TAF4: variants seen among roughly 807,000 people sequenced by gnomAD.
TAF4 encodes the protein transcription initiation factor TFIID subunit 4.
In TAF4, 9 loss-of-function variants were observed where a neutral mutation model predicts 90.3. The observed-to-expected ratio is 0.10, with a 90% CI of 0.06 to 0.17. The LOEUF (loss-of-function observed/expected upper bound fraction) is 0.17. Among genes scored for constraint, TAF4 ranks in the 10% least tolerant of loss-of-function variants. The pLI, the probability that TAF4 is intolerant of heterozygous loss-of-function variation, is 1.00. For missense variants in TAF4, 1,351 were observed against 1,370.7 expected (o/e 0.99, Z 0.23); for synonymous variants, 818 against 638.9 (o/e 1.28, Z -4.23).
chr20:62,017,371 G>A (rs1434029541), intron 1 of TAF4, among the ~76,000 whole-genome samples: 1 of 152,018 alleles, frequency 6.6e-6, no homozygotes, highest in Non-Finnish European at 1.5e-5. Flanking sequence ...AGGCACGGTG[G>A]CTCACGCCTG....
chr20:62,007,484 T>G, intron 6 of TAF4, 63 bp downstream of exon 6: 1 of 1,497,846 alleles, frequency 6.7e-7, no homozygotes, highest in Non-Finnish European at 9.3e-7. Context: ...GCACACTTGG[T>G]GCATCTGCGC....
intron 1 of TAF4, among the ~76,000 whole-genome samples, chr20:62,044,112 T>C (rs764073426): frequency 2.0e-5 from 3 of 152,238 alleles, no homozygotes; most frequent in Non-Finnish European, 4.4e-5. Flanking sequence ...CAGAGAAAAA[T>C]ATATGTATTT....
Position 62,014,630 on chromosome 20 carries a change from C to T in TAF4, c.1438G>A (p.Ala480Thr), listed in dbSNP as rs771007091. Reference protein sequence around the residue: ...QQALAQMQAQAHAQPQTTMAP... With the variant: ...QQALAQMQAQTHAQPQTTMAP... ...ATGGTGGTCTGAGGCTGGGCATGGG[C>T]CTGCGCCTGCATCTGGGCCAAGGCC... Residue 480 changes from alanine (A) to threonine (T), a missense_variant, in exon 2 of 15, where the codon GCC (alanine) becomes ACC (threonine). By Grantham distance (58) the Ala-to-Thr change is moderately conservative. This residue lies in a region of TAF4 where 143 missense variants were observed against 176.3 expected (regional missense o/e 0.81). Transcript: ENST00000252996. The T allele has an allele frequency of 6.2e-7, 1 of 1,613,898 alleles. No individual in the cohort carries two copies. The highest frequency in any genetic ancestry group is 1.3e-5 in the African/African-American group (1 of 74,928).
At chr20:62,049,402 G>A (rs1000905256) in intron 1 of TAF4, among the ~76,000 whole-genome samples, 5 of 152,016 alleles carry the variant, frequency 3.3e-5, no homozygotes, top group African/African-American at 7.3e-5. Flanking sequence ...CCACTTCTGC[G>A]TCCCCTGCTC....
intron 1 of TAF4, among the ~76,000 whole-genome samples, chr20:62,063,998 C>A (rs966690097): frequency 6.6e-6 from 1 of 152,232 alleles, no homozygotes; most frequent in Non-Finnish European, 1.5e-5. Flanking sequence ...ACAGGCCACA[C>A]GCCTAACTGC....
intron 1 of TAF4, among the ~76,000 whole-genome samples, chr20:62,027,212 T>A (rs1051402772): frequency 2.0e-5 from 3 of 152,140 alleles, no homozygotes; most frequent in Admixed American, 2.0e-4. Flanking sequence ...TGGAGTGGAA[T>A]GAAGTTTGGG....
intron 14 of TAF4, among the ~76,000 whole-genome samples, chr20:61,986,473 A>C (rs1196142093): frequency 1.3e-5 from 2 of 149,928 alleles, no homozygotes; most frequent in African/African-American, 4.9e-5. Flanking sequence ...AATCAAAGGA[A>C]ACACCATCCC....
chr20:62,006,393 CAGG>C lies in TAF4; in HGVS notation c.2223+114_2223+116del. The C allele has an allele frequency of 8.0e-7, 1 of 1,250,784 alleles. No homozygotes were observed. The highest frequency in any genetic ancestry group is 1.0e-6 in the Non-Finnish European group (1 of 983,198). 77.5% of individuals were successfully genotyped at this position (1,250,784 alleles called of 1,614,324 possible). ...AAGGTAATACCCAAGCTTCCTCTAG[CAGG>C]AGGCTTCCTGCATGCTTGGAAAAGG... On this transcript the variant is annotated intron_variant, in intron 7 of 14. Coordinates refer to ENST00000252996, the MANE Select transcript of TAF4 (RefSeq NM_003185.4). The surrounding 1 kb of genome is among the most constrained non-coding windows in gnomAD (Gnocchi z 7.0).
chr20:62,007,742 G>T, intron 5 of TAF4, 106 bp from the exon 6 acceptor site: 2 of 1,078,370 alleles, frequency 1.9e-6, no homozygotes, highest in Non-Finnish European at 2.7e-6. Flanking sequence ...TCCGCCCCGA[G>T]TTTCACTGGA....
At chr20:61,993,429 C>G (rs1367503805) in intron 14 of TAF4, among the ~76,000 whole-genome samples, 4 of 152,190 alleles carry the variant, frequency 2.6e-5, no homozygotes, top group African/African-American at 9.7e-5. Flanking sequence ...GCAGGACACA[C>G]CCCAGGCCAA....
At chr20:62,016,299 G>A (rs573259463) in intron 1 of TAF4, among the ~76,000 whole-genome samples, 1 of 152,348 alleles carries the variant, frequency 6.6e-6, no homozygotes, top group African/African-American at 2.4e-5. Flanking sequence ...ATTGTTCCTG[G>A]GTGTGTTTGT....
chr20:62,008,909 C>A, intron 5 of TAF4, 143 bp downstream of exon 5: 3 of 1,142,938 alleles, frequency 2.6e-6, no homozygotes, highest in Non-Finnish European at 3.6e-6. Context: ...GACACGTGTG[C>A]ACCCCTCCCC....
chr20:61,997,117 T>C (rs138719362), intron 14 of TAF4, among the ~76,000 whole-genome samples: 166 of 152,300 alleles, frequency 1.1e-3, no homozygotes, highest in African/African-American at 3.6e-3. Context: ...ACCACAAACA[T>C]AGACGAGAAA....
At chr20:62,001,818 T>C (rs1346690323) in intron 9 of TAF4, among the ~76,000 whole-genome samples, 2 of 128,138 alleles carry the variant, frequency 1.6e-5, no homozygotes, top group African/African-American at 2.9e-5. Context: ...GCTCATCTTG[T>C]ATTTCCTTAT....
At chr20:62,054,680 G>A (rs1204189620) in intron 1 of TAF4, among the ~76,000 whole-genome samples, 1 of 152,064 alleles carries the variant, frequency 6.6e-6, no homozygotes, top group Admixed American at 6.5e-5. Context: ...TGCACCCTAT[G>A]AATGCTGGCC....
intron 1 of TAF4, among the ~76,000 whole-genome samples, chr20:62,054,462 T>C (rs1384905855): frequency 6.6e-6 from 1 of 152,188 alleles, no homozygotes; most frequent in East Asian, 1.9e-4. Context: ...ACCTCTGCCA[T>C]CGCTGCGCTG....
chr20:62,054,636 C>T (rs921705181), intron 1 of TAF4, among the ~76,000 whole-genome samples: 2 of 152,136 alleles, frequency 1.3e-5, no homozygotes, highest in African/African-American at 4.8e-5. Flanking sequence ...AGGTGTCCAC[C>T]CTCACCACCC....
At chr20:61,986,796 T>G (rs1301898902) in intron 14 of TAF4, among the ~76,000 whole-genome samples, 1 of 152,228 alleles carries the variant, frequency 6.6e-6, no homozygotes, top group African/African-American at 2.4e-5. Context: ...ACTGAATGAA[T>G]TAACAAGTGG....
intron 1 of TAF4, among the ~76,000 whole-genome samples, chr20:62,019,551 G>A (rs768211238): frequency 4.6e-5 from 7 of 152,218 alleles, no homozygotes; most frequent in South Asian, 2.1e-4. Flanking sequence ...TGCTTGAGGC[G>A]GGCAATGCAG....
Sources: allele counts gnomAD v4.1 joint callset (sites outside exome capture counted in the v4.1 genomes callset), GRCh38; gene constraint gnomAD v4.1.1; regional missense constraint gnomAD v4.1.1; non-coding constraint Gnocchi (gnomAD v3.1); transcripts MANE v1.5; gene names NCBI Gene and HGNC (gene_info 2026-07-23, HGNC 2026-07-21).